The following IGF1R variants were observed in gnomAD, a reference collection of about 807,000 sequenced individuals.
IGF1R encodes the protein insulin-like growth factor 1 receptor.
A neutral mutation model predicts 144.6 loss-of-function variants in IGF1R; 44 were observed. The ratio of observed to expected loss-of-function variants is 0.30; its 90% CI spans 0.24 to 0.39. The LOEUF (loss-of-function observed/expected upper bound fraction) is 0.39. Ranked by LOEUF, IGF1R falls within the 10% of genes least tolerant of loss-of-function variation. The pLI is 1.00. For synonymous variants in IGF1R, 795 were observed against 722.8 expected (o/e 1.10, Z -1.60); for missense variants, 1,355 against 1,833.7 (o/e 0.74, Z 4.77).
At chr15:98,818,748 C>T (rs1205410787) in intron 2 of IGF1R, among the ~76,000 whole-genome samples, 8 of 151,106 alleles carry the variant, frequency 5.3e-5, no homozygotes, top group East Asian at 1.9e-4. Context: ...CCACCCACCC[C>T]GCCCCCTAGT....
chr15:98,795,678 C>T (rs979302852), intron 2 of IGF1R, among the ~76,000 whole-genome samples: 1 of 152,172 alleles, frequency 6.6e-6, no homozygotes, highest in African/African-American at 2.4e-5. Context: ...GGCCTCCCAA[C>T]GTGCTGGGAT....
intron 2 of IGF1R, among the ~76,000 whole-genome samples, chr15:98,863,165 T>C (rs998075084): frequency 4.6e-5 from 7 of 152,208 alleles, no homozygotes; most frequent in African/African-American, 1.7e-4. Context: ...TATCTTTCTG[T>C]TAGAGTTTGT....
At chr15:98,857,015 GA>G (rs928695383) in intron 2 of IGF1R, among the ~76,000 whole-genome samples, 4 of 151,822 alleles carry the variant, frequency 2.6e-5, no homozygotes, top group South Asian at 2.1e-4. Context: ...TTGGGTGAGA[GA>G]TTTTTTTTTT....
rs35385418 is a variant in IGF1R, at chr15:98,707,869, G to A, written c.402G>A (p.Arg134=). 1.2e-3 allele frequency: 1,922 copies of A among 1,614,144 alleles called. 20 individuals carry two copies. The African/African-American group carries it at 0.023, about 19-fold the overall frequency. The change falls in exon 2 of 21, where the codon AGG becomes AGA. Residue 134 remains arginine (R), a synonymous_variant. Coordinates refer to ENST00000650285, the MANE Select transcript of IGF1R (RefSeq NM_000875.5). This position sits in a 1 kb window ranked among gnomAD's most constrained non-coding sequence, Gnocchi z 6.7. ...NLKDIGLYNL[R]NITRGAIRIE... ...AGGATATTGGGCTTTACAACCTGAG[G>A]AACATTACTCGGGGGGCCATCAGGA...
intron 2 of IGF1R, among the ~76,000 whole-genome samples, chr15:98,773,302 G>A (rs957120894): frequency 1.3e-5 from 2 of 152,154 alleles, no homozygotes; most frequent in Admixed American, 6.5e-5. Context: ...AAGTATGGCT[G>A]CTGTTGGCCT....
At chr15:98,693,517 T>A (rs1596194607) in intron 1 of IGF1R, among the ~76,000 whole-genome samples, 1 of 152,176 alleles carries the variant, frequency 6.6e-6, no homozygotes, top group East Asian at 1.9e-4. Context: ...GTTTTCTGCC[T>A]CCCTGGTGCA....
intron 19 of IGF1R, among the ~76,000 whole-genome samples, chr15:98,943,317 AG>A (rs749802545): frequency 1.3e-5 from 2 of 152,218 alleles, no homozygotes; most frequent in African/African-American, 2.4e-5. Flanking sequence ...TTATGTTTCC[AG>A]GAGGTGGGAT....
At chr15:98,726,725 T>A (rs977805427) in intron 2 of IGF1R, among the ~76,000 whole-genome samples, 7 of 148,042 alleles carry the variant, frequency 4.7e-5, no homozygotes, top group South Asian at 2.2e-4. Flanking sequence ...TTTTTTTTTT[T>A]TTTTTTTTTT....
chr15:98,836,775 T>A (rs2057112164), intron 2 of IGF1R, among the ~76,000 whole-genome samples: 1 of 152,228 alleles, frequency 6.6e-6, no homozygotes, highest in Admixed American at 6.5e-5. Context: ...TTGTTTTTCA[T>A]GACCTTGATA....
At chr15:98,782,695 A>C (rs951775309) in intron 2 of IGF1R, among the ~76,000 whole-genome samples, 2 of 152,214 alleles carry the variant, frequency 1.3e-5, no homozygotes, top group African/African-American at 2.4e-5. Flanking sequence ...TAGTATTACA[A>C]ATAACTCTGC....
At chr15:98,942,885 C>T (rs1414859296) in intron 18 of IGF1R, 38 bp from the exon 19 acceptor site, 4 of 1,613,582 alleles carry the variant, frequency 2.5e-6, no homozygotes, top group Non-Finnish European at 3.4e-6. Context: ...GTGGTGCCTG[C>T]TCCAGCGTGT....
chr15:98,809,781 C>T (rs191426859), intron 2 of IGF1R, among the ~76,000 whole-genome samples: 1 of 152,276 alleles, frequency 6.6e-6, no homozygotes, highest in Non-Finnish European at 1.5e-5. Flanking sequence ...GCAGGGGACA[C>T]AGCTGCTTTG....
intron 13 of IGF1R, among the ~76,000 whole-genome samples, chr15:98,926,415 G>GAT (rs1216993003): frequency 8.3e-6 from 1 of 119,890 alleles, no homozygotes; most frequent in Non-Finnish European, 1.9e-5. Flanking sequence ...CAGTAATAAT[G>GAT]ATGTATTCTT....
chr15:98,808,657 C>T (rs1029095245), intron 2 of IGF1R, among the ~76,000 whole-genome samples: 1 of 146,704 alleles, frequency 6.8e-6, no homozygotes, highest in Non-Finnish European at 1.5e-5. Context: ...GACTCTAGGG[C>T]AGGTATGTTC....
chr15:98,925,443 T>G (rs746494471), intron 13 of IGF1R, among the ~76,000 whole-genome samples: 5 of 152,248 alleles, frequency 3.3e-5, no homozygotes, highest in Non-Finnish European at 5.9e-5. Flanking sequence ...TATTTCTTAT[T>G]TCAAACCCAG....
chr15:98,962,547 G>T lies in IGF1R; in HGVS notation c.*5105G>T, dbSNP rs1040605102. 4.3e-6 allele frequency: 1 copy of T among 233,702 alleles called. No homozygotes were observed. Among genetic ancestry groups the T allele is most frequent in the African/African-American group, 2.2e-5 (1 of 45,360 alleles). 14.5% of individuals were successfully genotyped at this position (233,702 alleles called of 1,614,324 possible). A position where few individuals can be genotyped will look rare whatever the true frequency, so the allele number is the denominator to read the frequency against. On this transcript the variant is annotated 3_prime_UTR_variant, in exon 21 of 21. Coordinates refer to ENST00000650285, the MANE Select transcript of IGF1R (RefSeq NM_000875.5). ...GAAGATACAGACCTTGGACAGGTCA[G>T]AGGGTTTCATTTTTGGCCTTCATCT...
intron 1 of IGF1R, 85 bp downstream of exon 1, chr15:98,649,760 C>T (rs1169571524): frequency 1.9e-6 from 2 of 1,039,066 alleles, no homozygotes; most frequent in East Asian, 5.1e-5. Flanking sequence ...CGAGTTGCCA[C>T]CGTCGCAGCT....
intron 2 of IGF1R, among the ~76,000 whole-genome samples, chr15:98,725,204 TAAAGGTATTC>T (rs2054329608): frequency 6.6e-6 from 1 of 152,194 alleles, no homozygotes; most frequent in Non-Finnish European, 1.5e-5. Context: ...GGTGCCAACC[TAAAGGTATTC>T]TGATGGTGGA....
chr15:98,934,057 TATATCCAAA>T (rs1440676524), intron 15 of IGF1R, among the ~76,000 whole-genome samples: 1 of 152,150 alleles, frequency 6.6e-6, no homozygotes, highest in East Asian at 1.9e-4. Flanking sequence ...TGTAACCCAG[TATATCCAAA>T]ATATCCATTT....
Sources: allele counts gnomAD v4.1 joint callset (sites outside exome capture counted in the v4.1 genomes callset), GRCh38; gene constraint gnomAD v4.1.1; non-coding constraint Gnocchi (gnomAD v3.1); transcripts MANE v1.5; gene names NCBI Gene and HGNC (gene_info 2026-07-23, HGNC 2026-07-21).